The following PXDNL variants were observed in gnomAD, a reference collection of about 807,000 sequenced individuals.
The protein encoded by PXDNL is peroxidasin like.
A neutral mutation model predicts 150.8 loss-of-function variants in PXDNL; 145 were observed. That is an observed-to-expected ratio of 0.96 (90% CI 0.84 to 1.10). PXDNL has a LOEUF of 1.10. Ranked by LOEUF, PXDNL falls within the 50% of genes least tolerant of loss-of-function variation. PXDNL has a pLI of 0.00. For missense variants in PXDNL, 2,087 were observed against 1,873.9 expected, an observed-to-expected ratio of 1.11 and a Z score of -2.10; for synonymous variants, 757 against 725.7, an observed-to-expected ratio of 1.04 and a Z score of -0.69.
chr8:51,566,779 CTT>C lies in PXDNL; in HGVS notation c.309-9870_309-9869del, dbSNP rs529040768. On this transcript the variant is annotated intron_variant, in intron 3 of 22. Transcript: ENST00000356297. ...ATTTCTGTATTGTTTCCCATTTTCA[CTT>C]TTATTGATTTCTGCTCTATTTTGTA... 1.1e-4 allele frequency among the ~76,000 whole-genome samples: 17 copies of C among 151,112 alleles called. No homozygotes were observed. The South Asian group carries it at 3.5e-3, about 31-fold the overall frequency.
intron 4 of PXDNL, among the ~76,000 whole-genome samples, chr8:51,501,662 G>A (rs538766833): frequency 7.9e-5 from 12 of 151,968 alleles, no homozygotes; most frequent in South Asian, 2.1e-4. Flanking sequence ...ACACTTTCAC[G>A]CACTGACACA....
chr8:51,662,187 ATGGAC>A (rs1815288608), intron 1 of PXDNL, among the ~76,000 whole-genome samples: 1 of 152,212 alleles, frequency 6.6e-6, no homozygotes, highest in African/African-American at 2.4e-5. Flanking sequence ...TGCAGATTCA[ATGGAC>A]TGCAGATCAA....
At chr8:51,403,088 CAAAAA>C (rs201970177) in intron 17 of PXDNL, among the ~76,000 whole-genome samples, 4 of 52,880 alleles carry the variant, frequency 7.6e-5, no homozygotes, top group Admixed American at 2.0e-4. Flanking sequence ...ACTCCCTCTC[CAAAAA>C]AAAAAAAAAA....
intron 21 of PXDNL, among the ~76,000 whole-genome samples, chr8:51,326,823 T>G (rs1159509239): frequency 6.6e-6 from 1 of 152,072 alleles, no homozygotes; most frequent in Non-Finnish European, 1.5e-5. Context: ...AATCTTGAGG[T>G]CCTAACCCTC....
At chr8:51,454,460 T>C (rs1809882302) in intron 9 of PXDNL, among the ~76,000 whole-genome samples, 1 of 152,220 alleles carries the variant, frequency 6.6e-6, no homozygotes, top group Non-Finnish European at 1.5e-5. Flanking sequence ...AGCTTTCAGT[T>C]ACTTTCAGCT....
intron 4 of PXDNL, among the ~76,000 whole-genome samples, chr8:51,552,999 C>T (rs1441216166): frequency 2.0e-5 from 3 of 152,186 alleles, no homozygotes; most frequent in Non-Finnish European, 2.9e-5. Context: ...ATAGAATAGA[C>T]ATTCCAATTA....
chr8:51,752,274 C>A (rs939346172), intron 1 of PXDNL, among the ~76,000 whole-genome samples: 4 of 152,102 alleles, frequency 2.6e-5, no homozygotes, highest in Admixed American at 6.6e-5. Context: ...CTTTTGGACC[C>A]CTAATAAACT....
At chr8:51,653,830 G>A (rs7018227) in intron 2 of PXDNL, among the ~76,000 whole-genome samples, 127,633 of 152,208 alleles carry the variant, frequency 0.84, 53,802 homozygotes, top group African/African-American at 0.92. Context: ...AGACAAACAC[G>A]CCCACATGGG....
chr8:51,406,258 A>T (rs994590901), intron 17 of PXDNL, among the ~76,000 whole-genome samples: 2 of 152,194 alleles, frequency 1.3e-5, no homozygotes, highest in Non-Finnish European at 2.9e-5. Context: ...CAATCCAGAT[A>T]ATCTACCCAC....
intron 4 of PXDNL, among the ~76,000 whole-genome samples, chr8:51,539,905 A>T (rs1304703310): frequency 6.8e-6 from 1 of 148,060 alleles, no homozygotes; most frequent in Non-Finnish European, 1.5e-5. Context: ...TGTTCTATTG[A>T]CTTCTCTCTA....
At chr8:51,425,703 C>T (rs1337305663) in intron 13 of PXDNL, among the ~76,000 whole-genome samples, 1 of 152,000 alleles carries the variant, frequency 6.6e-6, no homozygotes, top group Non-Finnish European at 1.5e-5. Flanking sequence ...CGCCTGTAGT[C>T]CCAGCTACTC....
intron 19 of PXDNL, among the ~76,000 whole-genome samples, chr8:51,363,642 C>T (rs1806824961): frequency 6.6e-6 from 1 of 152,140 alleles, no homozygotes; most frequent in African/African-American, 2.4e-5. Context: ...TCTTTAACTA[C>T]CAGGCCCAGG....
At chr8:51,478,107 T>C (rs573170075) in intron 6 of PXDNL, among the ~76,000 whole-genome samples, 1 of 152,194 alleles carries the variant, frequency 6.6e-6, no homozygotes, top group East Asian at 1.9e-4. Context: ...TGAGAAAACG[T>C]TTTCAAAATT....
intron 1 of PXDNL, among the ~76,000 whole-genome samples, chr8:51,764,351 T>C (rs2037201579): frequency 6.6e-6 from 1 of 151,638 alleles, no homozygotes; most frequent in South Asian, 2.1e-4. Context: ...TCTGCTTGCT[T>C]TGGGTTCAGT....
At chr8:51,470,525 C>A (rs1276269073) in intron 8 of PXDNL, among the ~76,000 whole-genome samples, 1 of 151,958 alleles carries the variant, frequency 6.6e-6, no homozygotes, top group African/African-American at 2.4e-5. Context: ...TTATCATTAC[C>A]ATAACTAATG....
Position 51,475,086 on chromosome 8 carries a change from G to A in PXDNL, c.580C>T (p.Leu194Phe), listed in dbSNP as rs757437743. The change falls in exon 7 of 23, where the codon CTT becomes TTT. Residue 194 changes from leucine to phenylalanine, a missense_variant. Physicochemically the swap from Leu to Phe is conservative, Grantham distance 22. Transcript: ENST00000356297. ...CDCDLMWLGE[L>F]LQGFAQHGHT... ...CCGTGTTGGGCAAAGCCTTGTAAAA[G>A]CTCCCCCAGCCACATCAGATCACAG... 2.5e-6 allele frequency: 4 copies of A among 1,613,746 alleles called. No individual in the cohort carries two copies. The highest frequency in any genetic ancestry group is 4.5e-5 in the East Asian group (2 of 44,864).
intron 4 of PXDNL, among the ~76,000 whole-genome samples, chr8:51,506,532 C>A (rs1433936949): frequency 5.4e-5 from 5 of 92,970 alleles, no homozygotes; most frequent in African/African-American, 2.2e-4. Flanking sequence ...CAGAGTGAGA[C>A]TCTGTCTCAA....
rs140672214 is a variant in PXDNL at position 51,517,593 on chromosome 8, TG to T, written c.381-17824del. ...TCTAAAATGCCAGTGCAAAATAAAA[TG>T]TATCATACTAGCATTCTATGGCACA... is the stretch of plus-strand genomic sequence containing the variant. On this transcript the variant is annotated intron_variant, in intron 4 of 22. Coordinates refer to ENST00000356297, the MANE Select transcript of PXDNL (RefSeq NM_144651.5). 5.4e-3 allele frequency among the ~76,000 whole-genome samples: 825 copies of T among 152,322 alleles called. 6 individuals carry two copies. Among genetic ancestry groups the T allele is most frequent in the African/African-American group, 0.019 (787 of 41,578 alleles).
chr8:51,451,597 CT>C (rs1284636503), intron 10 of PXDNL, among the ~76,000 whole-genome samples: 1 of 152,164 alleles, frequency 6.6e-6, no homozygotes, highest in African/African-American at 2.4e-5. Context: ...GACCATAGGC[CT>C]TTTTACCTAT....
Sources: allele counts gnomAD v4.1 joint callset (sites outside exome capture counted in the v4.1 genomes callset), GRCh38; gene constraint gnomAD v4.1.1; transcripts MANE v1.5; gene names NCBI Gene and HGNC (gene_info 2026-07-23, HGNC 2026-07-21).